The following EML6 variants were observed in gnomAD, a reference collection of about 807,000 sequenced individuals.
EML6 encodes the protein EMAP like 6.
Under a neutral mutation model 240.1 loss-of-function variants are expected in EML6, and 154 were observed. The observed-to-expected ratio is 0.64, with a 90% CI of 0.56 to 0.73. The LOEUF (loss-of-function observed/expected upper bound fraction) is 0.73, where lower values mean the gene tolerates loss of function less well. EML6 is among the 30% of genes least tolerant of loss of function. The pLI is 0.00. For missense variants in EML6, 2,964 were observed against 2,474.6 expected, an observed-to-expected ratio of 1.20 and a Z score of -4.20; for synonymous variants, 1,148 against 899.0, an observed-to-expected ratio of 1.28 and a Z score of -4.95.
chr2:54,797,323 C>T (rs565233132), intron 2 of EML6, among the ~76,000 whole-genome samples: 3 of 152,102 alleles, frequency 2.0e-5, no homozygotes, highest in Admixed American at 2.0e-4. Flanking sequence ...ACAATAACAG[C>T]CATCGGAGTT....
intron 22 of EML6, among the ~76,000 whole-genome samples, chr2:54,901,146 A>G (rs1310994375): frequency 1.3e-5 from 2 of 152,312 alleles, no homozygotes; most frequent in Middle Eastern, 3.4e-3. Context: ...TAAGGCTATT[A>G]TTATTGCCAC....
chr2:54,938,732 G>T (rs1300511927), intron 28 of EML6, among the ~76,000 whole-genome samples: 1 of 152,214 alleles, frequency 6.6e-6, no homozygotes, highest in African/African-American at 2.4e-5. Context: ...AATGTGATGG[G>T]TTCCTTGGAC....
chr2:54,907,875 AGATAG>A (rs1280585953), intron 24 of EML6, among the ~76,000 whole-genome samples: 1 of 150,654 alleles, frequency 6.6e-6, no homozygotes, highest in African/African-American at 2.5e-5. Context: ...GTGGTGAGAC[AGATAG>A]ATTAGATAGA....
At chr2:54,808,673 C>T (rs1478044183) in intron 2 of EML6, among the ~76,000 whole-genome samples, 1 of 152,006 alleles carries the variant, frequency 6.6e-6, no homozygotes, top group Non-Finnish European at 1.5e-5. Context: ...AAATTTTTTG[C>T]CTCAAGGAAT....
At position 54,859,516 on chromosome 2, in the gene EML6, C is replaced by T; in HGVS notation, c.1658-18C>T. ...CTTCTTTTTTCATAACTAATCCTCTCAAAAAATATTCTTTCAGGAGCCAAA... is the reference window on the plus strand; with the variant it reads ...CTTCTTTTTTCATAACTAATCCTCTTAAAAAATATTCTTTCAGGAGCCAAA... On this transcript the variant is annotated intron_variant, in intron 11 of 41. Transcript: ENST00000356458. The T allele has an allele frequency of 6.5e-7, 1 of 1,545,462 alleles. No individual in the cohort carries two copies.
intron 25 of EML6, 54 bp downstream of exon 25, chr2:54,911,096 G>A: frequency 1.1e-6 from 1 of 921,040 alleles, no homozygotes; most frequent in Non-Finnish European, 1.7e-6. Context: ...TTTAATATGT[G>A]CATTTTAATA....
chr2:54,902,170 T>A lies in EML6; in HGVS notation c.3125-874T>A, dbSNP rs1003068559. Among the ~76,000 whole-genome samples the A allele has an allele frequency of 7.5e-4, 114 of 151,850 alleles. 2 individuals carry two copies. Among genetic ancestry groups the A allele is most frequent in the African/African-American group, 2.7e-3 (112 of 41,460 alleles). On this transcript the variant is annotated intron_variant, in intron 22 of 41. Coordinates refer to ENST00000356458, the MANE Select transcript of EML6 (RefSeq NM_001039753.4). ...TGTAAGGCTTAATATTTAAAAAAAA[T>A]GGTTTCTGGAAATTTTATTATAGAA...
intron 3 of EML6, among the ~76,000 whole-genome samples, chr2:54,815,224 A>C (rs1294214229): frequency 6.6e-6 from 1 of 152,036 alleles, no homozygotes; most frequent in Non-Finnish European, 1.5e-5. Context: ...TTCATTTTGA[A>C]GGATGGTGGG....
intron 26 of EML6, among the ~76,000 whole-genome samples, chr2:54,921,019 A>G (rs976003667): frequency 1.3e-5 from 2 of 152,104 alleles, no homozygotes; most frequent in Admixed American, 6.5e-5. Context: ...TAAAGGCCAT[A>G]AATGAAAAAC....
chr2:54,904,402 C>T (rs1358722760), intron 24 of EML6, among the ~76,000 whole-genome samples: 1 of 152,118 alleles, frequency 6.6e-6, no homozygotes, highest in African/African-American at 2.4e-5. Flanking sequence ...CGTTGTAGTC[C>T]ACTGTGGTAG....
intron 5 of EML6, among the ~76,000 whole-genome samples, chr2:54,823,537 T>C (rs369754101): frequency 9.2e-5 from 14 of 152,314 alleles, no homozygotes; most frequent in East Asian, 5.8e-4. Context: ...TCCTTAGCAA[T>C]GTTTTATTAG....
At chr2:54,743,937 A>G (rs762960039) in intron 2 of EML6, among the ~76,000 whole-genome samples, 7 of 152,144 alleles carry the variant, frequency 4.6e-5, no homozygotes, top group Non-Finnish European at 1.0e-4. Context: ...AAATTTGACT[A>G]GTGGGGTTTT....
intron 26 of EML6, among the ~76,000 whole-genome samples, chr2:54,917,405 C>T (rs560201828): frequency 3.4e-5 from 5 of 146,336 alleles, no homozygotes; most frequent in Admixed American, 2.8e-4. Flanking sequence ...CACTCTTTTG[C>T]CCAGGCTGGA....
At chr2:54,900,249 A>C (rs1014913830) in intron 22 of EML6, among the ~76,000 whole-genome samples, 7 of 152,202 alleles carry the variant, frequency 4.6e-5, no homozygotes, top group Non-Finnish European at 8.8e-5. Flanking sequence ...AGAGGTACAA[A>C]TTCAGCAAAC....
intron 28 of EML6, among the ~76,000 whole-genome samples, chr2:54,934,790 C>G (rs572197079): frequency 6.6e-6 from 1 of 152,112 alleles, no homozygotes. Context: ...TTGGCTCAAG[C>G]GGTCTTACAC....
chr2:54,931,158 C>G (rs867939569), intron 28 of EML6, among the ~76,000 whole-genome samples: 1 of 151,850 alleles, frequency 6.6e-6, no homozygotes, highest in African/African-American at 2.4e-5. Context: ...GGGGTTTCAC[C>G]GTGTTAGCCA....
intron 15 of EML6, among the ~76,000 whole-genome samples, chr2:54,869,678 T>C (rs1054962296): frequency 6.6e-6 from 1 of 151,960 alleles, no homozygotes; most frequent in Non-Finnish European, 1.5e-5. Context: ...GCCCAGGATT[T>C]AGTATATCCT....
chr2:54,804,079 C>A (rs1272981902), intron 2 of EML6, among the ~76,000 whole-genome samples: 1 of 152,198 alleles, frequency 6.6e-6, no homozygotes, highest in Non-Finnish European at 1.5e-5. Context: ...TTAAGACTTA[C>A]CCTGAAAATG....
chr2:54,949,767 A>AT (rs1457046343), intron 29 of EML6, among the ~76,000 whole-genome samples: 2 of 152,008 alleles, frequency 1.3e-5, no homozygotes, highest in Non-Finnish European at 2.9e-5. Context: ...ACCGCCTATG[A>AT]TTTTTCACCA....
Sources: gnomAD v4.1 joint callset for allele counts (sites outside exome capture counted in the v4.1 genomes callset) on GRCh38, gnomAD v4.1.1 for gene constraint, MANE v1.5 for transcripts, NCBI Gene and HGNC (gene_info 2026-07-23, HGNC 2026-07-21) for gene names.